LRIF1: variants seen among roughly 807,000 people sequenced by gnomAD.
The protein encoded by LRIF1 is ligand dependent nuclear receptor interacting factor 1.
A neutral mutation model predicts 52.7 loss-of-function variants in LRIF1; 32 were observed. That is an observed-to-expected ratio of 0.61 (90% CI 0.46 to 0.82). The LOEUF (loss-of-function observed/expected upper bound fraction) is 0.82, where lower values mean the gene tolerates loss of function less well. LRIF1 is among the 40% of genes least tolerant of loss of function. The probability of loss-of-function intolerance (pLI) is 0.00; values close to 1 mark genes in which losing one functional copy is unlikely to be tolerated. For synonymous variants in LRIF1, 323 were observed against 317.4 expected, an observed-to-expected ratio of 1.02 and a Z score of -0.19; for missense variants, 887 against 892.0, an observed-to-expected ratio of 0.99 and a Z score of 0.07.
the LRIF1 span, among the ~76,000 whole-genome samples, chr1:110,885,583 C>T: frequency 6.7e-6 from 1 of 148,452 alleles, no homozygotes; most frequent in Non-Finnish European, 1.5e-5. Context: ...AGATTTAAGA[C>T]GAGGTGCGGT....
At chr1:110,911,038 C>T in the LRIF1 span, among the ~76,000 whole-genome samples, 1 of 152,048 alleles carries the variant, frequency 6.6e-6, no homozygotes. Flanking sequence ...TGTGAAAATT[C>T]ACACAAAATA....
At chr1:110,897,761 A>G in the LRIF1 span, 3 of 1,105,880 alleles carry the variant, frequency 2.7e-6, no homozygotes, top group Non-Finnish European at 2.8e-6. Context: ...TCCTCTTGAT[A>G]TGGTGGAATT....
chr1:110,957,470 C>CAAAAAAAAAAAAAAAAAAAAAAAAAAA (rs34396800), intron 1 of LRIF1, among the ~76,000 whole-genome samples: 8 of 42,790 alleles, frequency 1.9e-4, no homozygotes, highest in Admixed American at 6.7e-4. Flanking sequence ...GACTCAGTCT[C>CAAAAAAAAAAAAAAAAAAAAAAAAAAA]AAAAAAAAAA....
intron 1 of LRIF1, among the ~76,000 whole-genome samples, chr1:110,962,994 A>G (rs535149461): frequency 1.3e-5 from 2 of 152,064 alleles, no homozygotes; most frequent in East Asian, 3.9e-4. Flanking sequence ...GAAATACTGG[A>G]CTCTCCTCAT....
the LRIF1 span, chr1:110,936,792 G>T: frequency 6.6e-6 from 1 of 151,976 alleles, no homozygotes; most frequent in Non-Finnish European, 1.5e-5. Context: ...AAAGAGAATG[G>T]CTGAGTGGAT....
the LRIF1 span, among the ~76,000 whole-genome samples, chr1:110,902,907 C>A: frequency 1.3e-5 from 2 of 152,124 alleles, no homozygotes; most frequent in Non-Finnish European, 2.9e-5. Context: ...AGTTTTGAAT[C>A]TCTAATGCCA....
At chr1:110,909,268 A>C in the LRIF1 span, among the ~76,000 whole-genome samples, 1 of 152,178 alleles carries the variant, frequency 6.6e-6, no homozygotes, top group Non-Finnish European at 1.5e-5. Context: ...TCACCACAAA[A>C]ACACACTTAA....
the LRIF1 span, among the ~76,000 whole-genome samples, chr1:110,886,870 T>TATATATATATATA: frequency 3.0e-3 from 107 of 35,512 alleles, no homozygotes; most frequent in South Asian, 0.01. Flanking sequence ...TATATATATA[T>TATATATATATATA]TTTTTTTTTC....
the LRIF1 span, among the ~76,000 whole-genome samples, chr1:110,915,262 G>C: frequency 1.3e-5 from 2 of 151,370 alleles, no homozygotes; most frequent in Admixed American, 1.3e-4. Flanking sequence ...GAGGCGGGCG[G>C]ATCACGAGGT....
At chr1:110,935,296 A>G in the LRIF1 span, among the ~76,000 whole-genome samples, 2 of 152,234 alleles carry the variant, frequency 1.3e-5, 1 homozygote, top group African/African-American at 4.8e-5. Flanking sequence ...ATCTACTAGC[A>G]TCAACACCAT....
At chr1:110,916,718 T>C in the LRIF1 span, among the ~76,000 whole-genome samples, 1 of 152,128 alleles carries the variant, frequency 6.6e-6, no homozygotes, top group East Asian at 1.9e-4. Context: ...ATACTGAAAT[T>C]GAAAGTGAAT....
chr1:110,905,665 G>A, the LRIF1 span, among the ~76,000 whole-genome samples: 2 of 152,140 alleles, frequency 1.3e-5, no homozygotes, highest in South Asian at 4.1e-4. Context: ...AGAAAGGGAT[G>A]TTAATGAGCA....
intron 3 of LRIF1, among the ~76,000 whole-genome samples, chr1:110,948,920 A>C (rs543419823): frequency 2.6e-5 from 4 of 152,304 alleles, no homozygotes. Context: ...ATGCATGCTT[A>C]TATCTTCTAC....
chr1:110,881,440 C>A, the LRIF1 span, among the ~76,000 whole-genome samples: 1 of 152,136 alleles, frequency 6.6e-6, no homozygotes, highest in South Asian at 2.1e-4. Context: ...ACAGTTCATT[C>A]TTTTTAATTG....
At chr1:110,900,485 G>C in the LRIF1 span, among the ~76,000 whole-genome samples, 1 of 152,118 alleles carries the variant, frequency 6.6e-6, no homozygotes, top group Non-Finnish European at 1.5e-5. Flanking sequence ...TCCTGCTTCA[G>C]CCTCCTGACT....
chr1:110,955,262 T>C (rs770820987), intron 1 of LRIF1, among the ~76,000 whole-genome samples: 7 of 152,236 alleles, frequency 4.6e-5, no homozygotes, highest in Non-Finnish European at 7.3e-5. Context: ...CACAAAATCC[T>C]GTTGATATTG....
At chr1:110,897,430 T>G in the LRIF1 span, among the ~76,000 whole-genome samples, 2 of 152,230 alleles carry the variant, frequency 1.3e-5, no homozygotes, top group South Asian at 4.1e-4. Flanking sequence ...ATTTACTGAA[T>G]GTTGAAGCAG....
At chr1:110,920,009 T>A in the LRIF1 span, among the ~76,000 whole-genome samples, 1 of 152,266 alleles carries the variant, frequency 6.6e-6, no homozygotes, top group South Asian at 2.1e-4. Flanking sequence ...ATAATACATA[T>A]CCAATAGAAT....
chr1:110,892,567 C>A, the LRIF1 span: 1 of 1,545,086 alleles, frequency 6.5e-7, no homozygotes, highest in South Asian at 1.1e-5. Context: ...TGCCCCAAGT[C>A]GGGGAGATGG....
Sources: gnomAD v4.1 joint callset for allele counts (sites outside exome capture counted in the v4.1 genomes callset) on GRCh38, gnomAD v4.1.1 for gene constraint, MANE v1.5 for transcripts, NCBI Gene and HGNC (gene_info 2026-07-23, HGNC 2026-07-21) for gene names.